Variants in ARHGAP31 observed in about 807,000 individuals in gnomAD.
ARHGAP31 encodes the protein Rho GTPase activating protein 31, also known as rho GTPase-activating protein 31.
In ARHGAP31, 34 loss-of-function variants were observed where a neutral mutation model predicts 113.9. The observed-to-expected ratio is 0.30, with a 90% CI of 0.23 to 0.40. ARHGAP31 has a LOEUF of 0.40. ARHGAP31 is among the 10% of genes least tolerant of loss of function. The pLI is 1.00. For synonymous variants in ARHGAP31, 650 were observed against 684.8 expected (o/e 0.95, Z 0.79); for missense variants, 1,548 against 1,767.1 (o/e 0.88, Z 2.22).
At chr3:119,406,665 G>A (rs181755969) in intron 10 of ARHGAP31, among the ~76,000 whole-genome samples, 10 of 152,150 alleles carry the variant, frequency 6.6e-5, no homozygotes, top group Non-Finnish European at 1.2e-4. Context: ...TCTGCCTTGC[G>A]TTTCTGGTTT....
rs183668476 is a variant in ARHGAP31, at chr3:119,302,191, G to C, written c.100+7187G>C. Among the ~76,000 whole-genome samples, 14 of 152,332 alleles carry C rather than the reference G, an allele frequency of 9.2e-5. No individual in the cohort carries two copies. The East Asian group carries it at 1.9e-3, about 21-fold the overall frequency. ...ACCGATCTTGCTATTTCTCCCCCAAGGGGCTGGCCTCAAGTACTGATTCAG... is the reference window on the plus strand; with the variant it reads ...ACCGATCTTGCTATTTCTCCCCCAACGGGCTGGCCTCAAGTACTGATTCAG... On this transcript the variant is annotated intron_variant, in intron 1 of 11. Coordinates refer to ENST00000264245, the MANE Select transcript of ARHGAP31 (RefSeq NM_020754.4).
At chr3:119,359,324 A>G (rs181126579) in intron 1 of ARHGAP31, among the ~76,000 whole-genome samples, 1 of 152,186 alleles carries the variant, frequency 6.6e-6, no homozygotes, top group East Asian at 1.9e-4. Flanking sequence ...ACTGGCCTAT[A>G]TCTCAGGTTT....
chr3:119,339,272 G>A (rs2079987536), intron 1 of ARHGAP31, among the ~76,000 whole-genome samples: 1 of 152,176 alleles, frequency 6.6e-6, no homozygotes, highest in Non-Finnish European at 1.5e-5. Context: ...CTCCTTGAGG[G>A]TAGCAGTTAT....
intron 1 of ARHGAP31, among the ~76,000 whole-genome samples, chr3:119,363,070 A>G (rs2080224109): frequency 6.6e-6 from 1 of 152,176 alleles, no homozygotes; most frequent in Admixed American, 6.5e-5. Context: ...GAACCCTTGT[A>G]TATTTTGCCC....
chr3:119,307,851 G>T (rs1559961488), intron 1 of ARHGAP31, among the ~76,000 whole-genome samples: 1 of 139,052 alleles, frequency 7.2e-6, no homozygotes, highest in East Asian at 2.2e-4. Flanking sequence ...TCTCACATAT[G>T]CCTATTTATT....
intron 10 of ARHGAP31, among the ~76,000 whole-genome samples, chr3:119,403,134 G>T (rs1272066236): frequency 6.6e-6 from 1 of 152,164 alleles, no homozygotes; most frequent in Non-Finnish European, 1.5e-5. Flanking sequence ...CAAAGGAAAG[G>T]GTGGCTGACA....
chr3:119,305,312 C>T (rs1196703917), intron 1 of ARHGAP31, among the ~76,000 whole-genome samples: 2 of 152,168 alleles, frequency 1.3e-5, no homozygotes, highest in African/African-American at 2.4e-5. Context: ...AAACTTCTGG[C>T]AATTGAGTTC....
chr3:119,332,038 T>C (rs1576997789), intron 1 of ARHGAP31, among the ~76,000 whole-genome samples: 2 of 152,288 alleles, frequency 1.3e-5, no homozygotes, highest in Admixed American at 1.3e-4. Context: ...AAAGAATATG[T>C]TTCCATCTAC....
rs9816023 is a variant in ARHGAP31, at chr3:119,319,595, T to A, written c.100+24591T>A. ...ACCCAAACATTTGCGCTTATTTCAT[T>A]TAATCAACAAGAATCTGTAGATAAC... On this transcript the variant is annotated intron_variant, in intron 1 of 11. Coordinates refer to ENST00000264245, the MANE Select transcript of ARHGAP31 (RefSeq NM_020754.4). 9.9e-3 allele frequency among the ~76,000 whole-genome samples: 1,507 copies of A among 152,308 alleles called. 21 individuals carry two copies. Among genetic ancestry groups the A allele is most frequent in the African/African-American group, 0.035 (1,448 of 41,546 alleles).
At position 119,381,994 on chromosome 3, in the gene ARHGAP31, A is replaced by G. The variant is rs35217995; in HGVS notation, c.432-298A>G. 4.2e-4 allele frequency among the ~76,000 whole-genome samples: 62 copies of G among 148,262 alleles called. 1 individual carries two copies. The South Asian group carries it at 9.0e-3, about 21-fold the overall frequency. ...GAGCGAGACTCCGTCTCAAAAAAAA[A>G]AAAAAAAAAAAAAAGCCTTCAGGCT... On this transcript the variant is annotated intron_variant, in intron 4 of 11. Transcript: ENST00000264245.
At chr3:119,394,294 T>C (rs1049921624) in intron 8 of ARHGAP31, among the ~76,000 whole-genome samples, 5 of 152,228 alleles carry the variant, frequency 3.3e-5, no homozygotes, top group African/African-American at 7.2e-5. Flanking sequence ...ATTATTCCTA[T>C]GGCATTTGCT....
chr3:119,328,567 A>G (rs571543005), intron 1 of ARHGAP31, among the ~76,000 whole-genome samples: 1 of 152,280 alleles, frequency 6.6e-6, no homozygotes, highest in East Asian at 1.9e-4. Flanking sequence ...CTTTGAAGAT[A>G]CCTATTGTAT....
chr3:119,388,307 T>TA (rs59845208), intron 6 of ARHGAP31, among the ~76,000 whole-genome samples: 1,648 of 132,734 alleles, frequency 0.012, 49 homozygotes, highest in African/African-American at 0.038. Context: ...ATGTATAATT[T>TA]TTATATATAT....
At chr3:119,351,940 G>T (rs75057785) in intron 1 of ARHGAP31, among the ~76,000 whole-genome samples, 10,715 of 152,264 alleles carry the variant, frequency 0.07, 484 homozygotes, top group South Asian at 0.1. Flanking sequence ...GGATTTAAAT[G>T]ATTTTAAATG....
intron 1 of ARHGAP31, among the ~76,000 whole-genome samples, chr3:119,300,262 T>C (rs9846150): frequency 0.024 from 3,670 of 152,292 alleles, 143 homozygotes; most frequent in African/African-American, 0.084. Context: ...TGGTAAACCA[T>C]AAGTGTAGCT....
At chr3:119,305,536 C>A (rs968150599) in intron 1 of ARHGAP31, among the ~76,000 whole-genome samples, 1 of 152,158 alleles carries the variant, frequency 6.6e-6, no homozygotes, top group African/African-American at 2.4e-5. Flanking sequence ...ATTTTTGTTC[C>A]TCTTTCTGGC....
intron 5 of ARHGAP31, 26 bp downstream of exon 5, chr3:119,382,425 A>C: frequency 1.2e-6 from 2 of 1,600,960 alleles, no homozygotes; most frequent in East Asian, 4.5e-5. Flanking sequence ...TCCCCTTGTC[A>C]CCAGCCCAGG....
intron 1 of ARHGAP31, among the ~76,000 whole-genome samples, chr3:119,360,585 C>T (rs991089119): frequency 1.3e-5 from 2 of 152,098 alleles, no homozygotes; most frequent in Admixed American, 6.6e-5. Context: ...TGCATTAAAC[C>T]CTTCAAGAGG....
intron 1 of ARHGAP31, among the ~76,000 whole-genome samples, chr3:119,351,483 G>T (rs1356489948): frequency 1.3e-5 from 2 of 152,124 alleles, no homozygotes; most frequent in Non-Finnish European, 2.9e-5. Context: ...TGGACAAGTT[G>T]TCTAACCATA....
Sources: allele counts gnomAD v4.1 joint callset (sites outside exome capture counted in the v4.1 genomes callset), GRCh38; gene constraint gnomAD v4.1.1; transcripts MANE v1.5; gene names NCBI Gene and HGNC (gene_info 2026-07-23, HGNC 2026-07-21).